IFT122: variants seen among roughly 807,000 people sequenced by gnomAD.
The protein encoded by IFT122 is intraflagellar transport protein 122 homolog.
In IFT122, 118 loss-of-function variants were observed where a neutral mutation model predicts 161.6. The ratio of observed to expected loss-of-function variants is 0.73; its 90% CI spans 0.63 to 0.85. IFT122 has a LOEUF of 0.85. Among genes scored for constraint, IFT122 ranks in the 40% least tolerant of loss-of-function variants. IFT122 has a pLI of 0.00. For synonymous variants in IFT122, 550 were observed against 602.4 expected (o/e 0.91, Z 1.27); for missense variants, 1,381 against 1,579.6 (o/e 0.87, Z 2.13).
intron 7 of IFT122, 115 bp from the exon 8 acceptor site, chr3:129,466,775 T>A: frequency 8.3e-6 from 8 of 962,468 alleles, no homozygotes; most frequent in Non-Finnish European, 1.3e-5. Flanking sequence ...AGTGCTGGGA[T>A]TACAGGCGTG....
intron 15 of IFT122, among the ~76,000 whole-genome samples, chr3:129,484,923 G>A (rs1289134558): frequency 6.6e-6 from 1 of 152,202 alleles, no homozygotes; most frequent in Non-Finnish European, 1.5e-5. Context: ...GTTGGCATGT[G>A]TAATCTCCCA....
chr3:129,442,590 A>G (rs76687046), intron 1 of IFT122, among the ~76,000 whole-genome samples: 1 of 152,100 alleles, frequency 6.6e-6, no homozygotes, highest in Non-Finnish European at 1.5e-5. Flanking sequence ...AAAAAAAAAA[A>G]AGACAGTAGA....
At chr3:129,514,831 C>G (rs1360086305) in intron 25 of IFT122, 2 of 551,160 alleles carry the variant, frequency 3.6e-6, no homozygotes, top group Non-Finnish European at 6.5e-6. Context: ...TAGGCAAGCC[C>G]CACACCTCTG....
chr3:129,448,634 A>G (rs1225793900), intron 1 of IFT122, among the ~76,000 whole-genome samples: 1 of 152,026 alleles, frequency 6.6e-6, no homozygotes, highest in Non-Finnish European at 1.5e-5. Context: ...GCCTTTTTCT[A>G]TTGGCACAGC....
intron 5 of IFT122, 183 bp downstream of exon 5, chr3:129,461,487 G>A: frequency 1.5e-6 from 1 of 656,792 alleles, no homozygotes; most frequent in South Asian, 1.7e-5. Context: ...ACAGTGAATG[G>A]TGACCTTTAC....
At chr3:129,518,023 A>G (rs1457463455) in intron 27 of IFT122, among the ~76,000 whole-genome samples, 1 of 152,228 alleles carries the variant, frequency 6.6e-6, no homozygotes, top group Non-Finnish European at 1.5e-5. Context: ...GTGTGCAAGG[A>G]AGCCCCAAGC....
chr3:129,495,386 T>G, intron 17 of IFT122, 60 bp from the exon 18 acceptor site: 5 of 1,601,172 alleles, frequency 3.1e-6, no homozygotes, highest in Non-Finnish European at 4.3e-6. Context: ...CTAACCTTTG[T>G]AAAGGCTGCT....
intron 16 of IFT122, among the ~76,000 whole-genome samples, chr3:129,488,684 A>G (rs532755439): frequency 1.5e-4 from 23 of 152,048 alleles, no homozygotes; most frequent in Admixed American, 5.2e-4. Flanking sequence ...GCAGCATGTC[A>G]GATTCTGGCT....
At chr3:129,452,337 T>G in intron 3 of IFT122, 1 of 319,140 alleles carries the variant, frequency 3.1e-6, no homozygotes, top group Non-Finnish European at 5.9e-6. Flanking sequence ...AAAGGTAAAT[T>G]AAGTAGTATG....
chr3:129,496,249 AG>A (rs2080830191), intron 18 of IFT122, among the ~76,000 whole-genome samples: 2 of 152,034 alleles, frequency 1.3e-5, no homozygotes, highest in Admixed American at 6.5e-5. Flanking sequence ...CTTTTAAGGC[AG>A]GTGTAGGAGA....
At chr3:129,444,771 C>T (rs1001212450) in intron 1 of IFT122, among the ~76,000 whole-genome samples, 7 of 152,160 alleles carry the variant, frequency 4.6e-5, no homozygotes, top group African/African-American at 7.2e-5. Context: ...CTGCCTGCCT[C>T]GGCCTCCCAA....
intron 1 of IFT122, among the ~76,000 whole-genome samples, chr3:129,446,134 A>G (rs955022261): frequency 3.9e-5 from 6 of 152,164 alleles, no homozygotes; most frequent in African/African-American, 2.4e-5. Flanking sequence ...TCTAAAGCCT[A>G]GTACCTCAAG....
intron 18 of IFT122, among the ~76,000 whole-genome samples, chr3:129,497,603 G>A (rs182482045): frequency 2.0e-5 from 3 of 152,238 alleles, no homozygotes; most frequent in Admixed American, 1.3e-4. Context: ...TGTGCCCACA[G>A]CCTCCCACCA....
At chr3:129,518,139 C>G (rs1447884987) in intron 27 of IFT122, among the ~76,000 whole-genome samples, 1 of 152,214 alleles carries the variant, frequency 6.6e-6, no homozygotes, top group Non-Finnish European at 1.5e-5. Flanking sequence ...TTGGCAGCCC[C>G]GTGGTGCCCC....
chr3:129,456,142 G>A (rs1321294344), intron 3 of IFT122: 1 of 686,098 alleles, frequency 1.5e-6, no homozygotes, highest in Non-Finnish European at 2.3e-6. Context: ...TAGCTTGTTT[G>A]GGTCATGCAG....
At chr3:129,490,335 A>G (rs9871967) in intron 16 of IFT122, among the ~76,000 whole-genome samples, 13,686 of 152,124 alleles carry the variant, frequency 0.09, 1,573 homozygotes, top group East Asian at 0.45. Flanking sequence ...ACCAGCTTGG[A>G]TATAGTGGTT....
At chr3:129,517,678 A>T in intron 27 of IFT122, 84 bp downstream of exon 27, 1 of 1,544,232 alleles carries the variant, frequency 6.5e-7, no homozygotes, top group Non-Finnish European at 8.9e-7. Context: ...GCCCAGTCCC[A>T]GGGGATCGCG....
chr3:129,509,386 G>C (rs1170585663), intron 23 of IFT122, among the ~76,000 whole-genome samples: 3 of 152,142 alleles, frequency 2.0e-5, no homozygotes, highest in African/African-American at 7.2e-5. Context: ...ACTTCCAGTG[G>C]CCGGCCACTA....
chr3:129,513,256 T>C (rs539711427), intron 24 of IFT122: 1 of 152,362 alleles, frequency 6.6e-6, no homozygotes, highest in South Asian at 2.1e-4. Context: ...TTTAAGGTCT[T>C]GGATGTCAGG....
Sources: gnomAD v4.1 joint callset for allele counts (sites outside exome capture counted in the v4.1 genomes callset) on GRCh38, gnomAD v4.1.1 for gene constraint, MANE v1.5 for transcripts, NCBI Gene and HGNC (gene_info 2026-07-23, HGNC 2026-07-21) for gene names.